The following ARFGEF3 variants were observed in gnomAD, a reference collection of about 807,000 sequenced individuals.
ARFGEF3 encodes the protein ARFGEF family member 3, also known as brefeldin A-inhibited guanine nucleotide-exchange protein 3.
In ARFGEF3, 96 loss-of-function variants were observed where a neutral mutation model predicts 221.7. The ratio of observed to expected loss-of-function variants is 0.43; its 90% CI spans 0.37 to 0.51. The LOEUF is 0.51. Ranked by LOEUF, ARFGEF3 falls within the 20% of genes least tolerant of loss-of-function variation. ARFGEF3 has a pLI of 0.00. For missense variants in ARFGEF3, 2,410 were observed against 2,789.9 expected (o/e 0.86, Z 3.07); for synonymous variants, 1,145 against 1,126.8 (o/e 1.02, Z -0.32).
At chr6:138,226,675 A>G (rs1009276483) in intron 4 of ARFGEF3, among the ~76,000 whole-genome samples, 3 of 152,234 alleles carry the variant, frequency 2.0e-5, no homozygotes, top group African/African-American at 7.2e-5. Context: ...CCATGGGGCC[A>G]GCGTGCTCAG....
intron 5 of ARFGEF3, among the ~76,000 whole-genome samples, chr6:138,236,053 T>C (rs1361297321): frequency 6.6e-6 from 1 of 152,248 alleles, no homozygotes; most frequent in East Asian, 1.9e-4. Flanking sequence ...AAAGTTCTTG[T>C]CTGTTTACAG....
chr6:138,218,143 G>T (rs1316706885), intron 4 of ARFGEF3: 4 of 1,613,976 alleles, frequency 2.5e-6, no homozygotes, highest in Non-Finnish European at 3.4e-6. Flanking sequence ...AAGTGTGTCT[G>T]CAAGGGTGTG....
intron 12 of ARFGEF3, among the ~76,000 whole-genome samples, chr6:138,276,700 C>G (rs1415496165): frequency 6.6e-6 from 1 of 152,086 alleles, no homozygotes; most frequent in East Asian, 1.9e-4. Context: ...GAGTATCTTT[C>G]TGTTGCCCAG....
chr6:138,291,304 A>G lies in ARFGEF3; in HGVS notation c.3048-429A>G, dbSNP rs17067346. 0.088 allele frequency among the ~76,000 whole-genome samples: 13,360 copies of G among 152,220 alleles called. 859 individuals carry two copies. Among genetic ancestry groups the G allele is most frequent in the South Asian group, 0.22 (1,075 of 4,806 alleles). ...TAGTTGGCCTCTCCGTCATAGGTATAGCCATTCTGGGATCCCATCGTAGGG... is the reference window on the plus strand; with the variant it reads ...TAGTTGGCCTCTCCGTCATAGGTATGGCCATTCTGGGATCCCATCGTAGGG... On this transcript the variant is annotated intron_variant, in intron 18 of 33. Transcript: ENST00000251691. This position sits in a 1 kb window ranked among gnomAD's most constrained non-coding sequence, Gnocchi z 4.5.
intron 8 of ARFGEF3, among the ~76,000 whole-genome samples, chr6:138,246,533 A>G (rs1290031197): frequency 6.6e-6 from 1 of 152,216 alleles, no homozygotes; most frequent in East Asian, 1.9e-4. Context: ...TTTTAAAGCT[A>G]AACATGGAAT....
chr6:138,264,552 A>T lies in ARFGEF3; in HGVS notation c.2128+941A>T, dbSNP rs149666718. Among the ~76,000 whole-genome samples the T allele has an allele frequency of 1.2e-3, 185 of 152,280 alleles. 1 individual carries two copies. The highest frequency in any genetic ancestry group is 4.3e-3 in the African/African-American group (180 of 41,546). ...GACACAGAACTGCTAAAAAGCCATG[A>T]TCACCACTTGCTCTTCTACCACTTA... On this transcript the variant is annotated intron_variant, in intron 12 of 33. Coordinates refer to ENST00000251691, the MANE Select transcript of ARFGEF3 (RefSeq NM_020340.5).
chr6:138,321,863 C>T (rs777572924), intron 29 of ARFGEF3, among the ~76,000 whole-genome samples: 6 of 152,028 alleles, frequency 3.9e-5, no homozygotes, highest in Non-Finnish European at 5.9e-5. Context: ...AAGACACACC[C>T]AAGACTGGGA....
At position 138,334,089 on chromosome 6, in the gene ARFGEF3, T is replaced by C; in HGVS notation, c.5243T>C (p.Ile1748Thr). The change falls in exon 33 of 34, where the codon ATA (isoleucine) becomes ACA (threonine). Residue 1748 changes from isoleucine (I) to threonine (T), a missense_variant. Coordinates refer to ENST00000251691, the MANE Select transcript of ARFGEF3 (RefSeq NM_020340.5). The surrounding 1 kb of genome is among the most constrained non-coding windows in gnomAD (Gnocchi z 5.1). ...CCCTCTCCTGGAGAGGAAAAGACGATACAAGTGCCAGAAGCCAAGCTGGCT... is the reference window on the plus strand; with the variant it reads ...CCCTCTCCTGGAGAGGAAAAGACGACACAAGTGCCAGAAGCCAAGCTGGCT... The part of the protein sequence containing the change: ...KGPSPGEEKT[I>T]QVPEAKLAGF... 2 of 1,613,938 alleles carry C rather than the reference T, an allele frequency of 1.2e-6. No individual in the cohort carries two copies. Among genetic ancestry groups the C allele is most frequent in the Non-Finnish European group, 1.7e-6 (2 of 1,179,878 alleles).
intron 10 of ARFGEF3, among the ~76,000 whole-genome samples, chr6:138,257,298 A>G (rs1309507122): frequency 6.6e-6 from 1 of 152,146 alleles, no homozygotes; most frequent in African/African-American, 2.4e-5. Context: ...TGGAGGGGCA[A>G]GCGTGGGCTT....
At position 138,262,604 on chromosome 6, in the gene ARFGEF3, T is replaced by C. The variant is rs539852748; in HGVS notation, c.1218-97T>C. On this transcript the variant is annotated intron_variant, in intron 11 of 33. Transcript: ENST00000251691. ...TTCAAATCAGACTATCTGTTTTGAA[T>C]ACTTTGCTGTTTGCCAGGCTAACAC... 22 of 1,215,932 alleles carry C rather than the reference T, an allele frequency of 1.8e-5. No homozygotes were observed. The South Asian group carries it at 2.5e-4, about 14-fold the overall frequency. 75.3% of individuals were successfully genotyped at this position (1,215,932 alleles called of 1,614,324 possible). A position where few individuals can be genotyped will look rare whatever the true frequency, so the allele number is the denominator to read the frequency against.
At chr6:138,170,748 C>G (rs766794777) in intron 2 of ARFGEF3, 35 bp downstream of exon 2, 1 of 1,252,684 alleles carries the variant, frequency 8.0e-7, no homozygotes, top group South Asian at 1.2e-5. Flanking sequence ...TCACAGAAGT[C>G]AATATTACCC....
intron 4 of ARFGEF3, among the ~76,000 whole-genome samples, chr6:138,214,312 A>T (rs952926675): frequency 6.6e-6 from 1 of 152,240 alleles, no homozygotes; most frequent in Non-Finnish European, 1.5e-5. Flanking sequence ...GCACTTCTAC[A>T]TGACTCATTC....
chr6:138,208,476 A>C (rs1197176234), intron 3 of ARFGEF3, among the ~76,000 whole-genome samples: 1 of 152,166 alleles, frequency 6.6e-6, no homozygotes, highest in Non-Finnish European at 1.5e-5. Context: ...AGTGGTGTGA[A>C]GGTAAAAGAG....
intron 22 of ARFGEF3, among the ~76,000 whole-genome samples, chr6:138,305,703 A>C (rs1192660764): frequency 6.6e-6 from 1 of 152,182 alleles, no homozygotes; most frequent in African/African-American, 2.4e-5. Flanking sequence ...GCAATGTAAG[A>C]GTGGTTTAAC....
chr6:138,261,341 C>T (rs1238832026), intron 10 of ARFGEF3, among the ~76,000 whole-genome samples, 186 bp from the exon 11 acceptor site: 1 of 152,206 alleles, frequency 6.6e-6, no homozygotes, highest in African/African-American at 2.4e-5. Context: ...GCCTGATACA[C>T]ACCATATGTC....
intron 5 of ARFGEF3, among the ~76,000 whole-genome samples, chr6:138,232,700 C>T (rs938089110): frequency 1.3e-5 from 2 of 152,092 alleles, no homozygotes; most frequent in African/African-American, 4.8e-5. Flanking sequence ...TCCTTCCATC[C>T]AGCCAGCCCT....
chr6:138,185,718 G>T (rs978922113), intron 2 of ARFGEF3, among the ~76,000 whole-genome samples: 2 of 152,194 alleles, frequency 1.3e-5, no homozygotes, highest in Non-Finnish European at 2.9e-5. Context: ...TGAGCATGCA[G>T]ATGCATATTA....
intron 4 of ARFGEF3, among the ~76,000 whole-genome samples, chr6:138,223,312 T>G (rs535319943): frequency 6.6e-6 from 1 of 152,220 alleles, no homozygotes; most frequent in Non-Finnish European, 1.5e-5. Flanking sequence ...TTATGAAGTT[T>G]AAAGCCAATC....
At chr6:138,257,100 T>C (rs1272138794) in intron 10 of ARFGEF3, among the ~76,000 whole-genome samples, 1 of 152,164 alleles carries the variant, frequency 6.6e-6, no homozygotes, top group Non-Finnish European at 1.5e-5. Flanking sequence ...CAGTTAAGAA[T>C]GTTACTTCTT....
Sources: gnomAD v4.1 joint callset for allele counts (sites outside exome capture counted in the v4.1 genomes callset) on GRCh38, gnomAD v4.1.1 for gene constraint, Gnocchi (gnomAD v3.1) non-coding constraint, MANE v1.5 for transcripts, NCBI Gene and HGNC (gene_info 2026-07-23, HGNC 2026-07-21) for gene names.